FOXA1: variants seen among roughly 807,000 people sequenced by gnomAD.
FOXA1 encodes forkhead box A1.
Under a neutral mutation model 29.2 loss-of-function variants are expected in FOXA1, and 9 were observed. The observed-to-expected ratio is 0.31, with a 90% confidence interval of 0.19 to 0.54. The LOEUF (loss-of-function observed/expected upper bound fraction) is 0.54. Ranked by LOEUF, FOXA1 falls within the 20% of genes least tolerant of loss-of-function variation. The pLI is 0.95. For missense variants in FOXA1, 644 were observed against 681.2 expected, an observed-to-expected ratio of 0.95 and a Z score of 0.61; for synonymous variants, 340 against 300.9, an observed-to-expected ratio of 1.13 and a Z score of -1.34.
rs1157025978 is a variant in FOXA1 at position 37,594,928 on chromosome 14, C to T, written c.45G>A (p.Trp15Ter). Residue 15 changes from tryptophan to a stop codon, truncating the protein, a stop_gained, in exon 1 of 2, where the codon TGG becomes TGA. Coordinates refer to ENST00000250448, the MANE Select transcript of FOXA1 (RefSeq NM_004496.5). LOFTEE classifies it high-confidence loss of function. ...CCTGCGTGTCTGCGTAGTAGCTGTT[C>T]CAGTCGCTGGTTTCATGCCCTTCCA... ...VKMEGHETSD[W>*]NSYYADTQEA... is the part of the protein sequence containing the mutation. 6.3e-7 allele frequency: 1 copy of T among 1,581,192 alleles called. No individual in the cohort carries two copies.
intron 1 of FOXA1, among the ~76,000 whole-genome samples, chr14:37,593,018 C>T (rs2095597737): frequency 6.6e-6 from 1 of 152,206 alleles, no homozygotes; most frequent in East Asian, 1.9e-4. Flanking sequence ...CCCCTCATCG[C>T]CTCCTCCATC....
rs1185896845 is a variant in FOXA1, at chr14:37,591,111, T to A, written c.*254A>T. ...AGAATTTCATATATACACTTGTGGA[T>A]CATTAAACTTCGCAGGAAAAAAATT... On this transcript the variant is annotated 3_prime_UTR_variant, in exon 2 of 2. Transcript: ENST00000250448. 3.6e-6 allele frequency: 2 copies of A among 552,752 alleles called. No individual in the cohort carries two copies. Among genetic ancestry groups the A allele is most frequent in the African/African-American group, 3.8e-5 (2 of 53,168 alleles). 34.2% of individuals were successfully genotyped at this position (552,752 alleles called of 1,614,324 possible).
chr14:37,591,228 T>A lies in FOXA1; in HGVS notation c.*137A>T. On this transcript the variant is annotated 3_prime_UTR_variant, in exon 2 of 2. Transcript: ENST00000250448. ...TTTGCACTGGGGGAAAGGTTGTGCA[T>A]GAAAAATGAAATAAAAATAGTTGTT... 1.9e-6 allele frequency: 2 copies of A among 1,072,934 alleles called. No individual in the cohort carries two copies. Among genetic ancestry groups the A allele is most frequent in the Non-Finnish European group, 2.8e-6 (2 of 726,968 alleles). 66.5% of individuals were successfully genotyped at this position (1,072,934 alleles called of 1,614,324 possible). A position where few individuals can be genotyped will look rare whatever the true frequency, so the allele number is the denominator to read the frequency against.
chr14:37,593,945 C>A (rs2095598992), intron 1 of FOXA1: 2 of 535,184 alleles, frequency 3.7e-6, no homozygotes, highest in Non-Finnish European at 5.3e-6. Flanking sequence ...AATAGGAACA[C>A]CCAGTAAACT....
chr14:37,592,486 C>G lies in FOXA1; in HGVS notation c.298G>C (p.Gly100Arg). The G allele has an allele frequency of 6.2e-7, 1 of 1,608,984 alleles. No individual in the cohort carries two copies. Among genetic ancestry groups the G allele is most frequent in the Non-Finnish European group, 8.5e-7 (1 of 1,179,156 alleles). The stretch of plus-strand genomic sequence containing the variant: ...AGCGCCGTACCCATGGCCGTCACGC[C>G]GGCCGCAGTCATGCTGTTCATGGCG... Reference protein sequence around the residue: ...AGAMNSMTAAGVTAMGTALSP... With the variant: ...AGAMNSMTAARVTAMGTALSP... The change falls in exon 2 of 2, where the codon GGC becomes CGC. Residue 100 changes from glycine to arginine, a missense_variant. Coordinates refer to ENST00000250448, the MANE Select transcript of FOXA1 (RefSeq NM_004496.5).
chr14:37,591,125 A>G lies in FOXA1; in HGVS notation c.*240T>C. The G allele has an allele frequency of 1.7e-6, 1 of 576,118 alleles. No homozygotes were observed. Among genetic ancestry groups the G allele is most frequent in the African/African-American group, 1.9e-5 (1 of 53,690 alleles). The allele number at this position is 576,118 out of a possible 1,614,324, so 35.7% of individuals were successfully genotyped here. The stretch of plus-strand genomic sequence containing the variant: ...ACACTTGTGGATCATTAAACTTCGC[A>G]GGAAAAAAATTGGTTTGGGGTTGTC... On this transcript the variant is annotated 3_prime_UTR_variant, in exon 2 of 2. Coordinates refer to ENST00000250448, the MANE Select transcript of FOXA1 (RefSeq NM_004496.5).
chr14:37,594,043 T>G (rs956114665), intron 1 of FOXA1: 8 of 1,207,686 alleles, frequency 6.6e-6, no homozygotes, highest in Non-Finnish European at 8.4e-6. Flanking sequence ...TGATCCTATA[T>G]TTTTCTGTCC....
rs1249735550 is a variant in FOXA1 at position 37,594,934 on chromosome 14, G to C, written c.39C>G (p.Ser13Arg). 2 of 1,580,786 alleles carry C rather than the reference G, an allele frequency of 1.3e-6. No individual in the cohort carries two copies. The highest frequency in any genetic ancestry group is 1.7e-6 in the Non-Finnish European group (2 of 1,158,558). ...GTVKMEGHET[S>R]DWNSYYADTQ... is the part of the protein sequence containing the mutation. ...TGTCTGCGTAGTAGCTGTTCCAGTCGCTGGTTTCATGCCCTTCCATCTTCA... is the reference window on the plus strand; with the variant it reads ...TGTCTGCGTAGTAGCTGTTCCAGTCCCTGGTTTCATGCCCTTCCATCTTCA... Residue 13 changes from serine (S) to arginine (R), a missense_variant, in exon 1 of 2, where the codon AGC becomes AGG. Coordinates refer to ENST00000250448, the MANE Select transcript of FOXA1 (RefSeq NM_004496.5).
chr14:37,592,777 G>GCCGT, intron 1 of FOXA1, 66 bp from the exon 2 acceptor site: 2 of 1,592,880 alleles, frequency 1.3e-6, no homozygotes, highest in Non-Finnish European at 1.7e-6. Context: ...CTGGAGGGCG[G>GCCGT]CCGTCCGGGA....
chr14:37,594,572 GC>G, intron 1 of FOXA1: 1 of 209,862 alleles, frequency 4.8e-6, no homozygotes, highest in Non-Finnish European at 8.6e-6. Flanking sequence ...ACCGGCGCTC[GC>G]CCGCCCGCTG....
In FOXA1 at chr14:37,592,394, G is replaced by A; in HGVS notation, c.390C>T (p.Tyr130=). 1.9e-6 allele frequency: 3 copies of A among 1,601,196 alleles called. No individual in the cohort carries two copies. The highest frequency in any genetic ancestry group is 2.6e-6 in the Non-Finnish European group (3 of 1,176,306). ...TCATGCACGGGTTCATGGCGGCCGC[G>A]TAGGGGCCCAGGCCATTCATGGAGG... ...QAASMNGLGP[Y]AAAMNPCMSP... is the part of the protein sequence containing the mutation. The change falls in exon 2 of 2, where the codon TAC becomes TAT. Residue 130 remains tyrosine (Y), a synonymous_variant. Coordinates refer to ENST00000250448, the MANE Select transcript of FOXA1 (RefSeq NM_004496.5).
chr14:37,592,097 G>A lies in FOXA1; in HGVS notation c.687C>T (p.Val229=), dbSNP rs755964793. ...RHSLSFNDCF[V]KVARSPDKPG... ...GCTTGTCCGGGGAGCGTGCCACCTTGACGAAGCAGTCATTGAAGGACAGCG... is the reference window on the plus strand; with the variant it reads ...GCTTGTCCGGGGAGCGTGCCACCTTAACGAAGCAGTCATTGAAGGACAGCG... Residue 229 remains valine, a synonymous_variant, in exon 2 of 2, where the codon GTC becomes GTT. Transcript: ENST00000250448. 2 of 1,612,278 alleles carry A rather than the reference G, an allele frequency of 1.2e-6. No individual in the cohort carries two copies. The highest frequency in any genetic ancestry group is 1.7e-6 in the Non-Finnish European group (2 of 1,179,076).
intron 1 of FOXA1, chr14:37,593,989 G>A (rs1283765107): frequency 1.4e-5 from 14 of 1,007,000 alleles, no homozygotes; most frequent in African/African-American, 1.7e-5. Flanking sequence ...GTAAACTTGT[G>A]AATACATAAA....
chr14:37,593,027 T>C (rs1385334374), intron 1 of FOXA1, among the ~76,000 whole-genome samples: 2 of 152,130 alleles, frequency 1.3e-5, no homozygotes, highest in African/African-American at 2.4e-5. Flanking sequence ...GCCTCCTCCA[T>C]CCACGCCAGG....
chr14:37,590,942 G>C lies in FOXA1; in HGVS notation c.*423C>G. The C allele has an allele frequency of 2.6e-6, 1 of 381,044 alleles. No individual in the cohort carries two copies. Among genetic ancestry groups the C allele is most frequent in the Admixed American group, 4.3e-5 (1 of 23,046 alleles). The allele number at this position is 381,044 out of a possible 1,614,324, so 23.6% of individuals were successfully genotyped here. A position where few individuals can be genotyped will look rare whatever the true frequency, so the allele number is the denominator to read the frequency against. On this transcript the variant is annotated 3_prime_UTR_variant, in exon 2 of 2. Transcript: ENST00000250448. Reference sequence around the variant, plus strand: ...GCCACAGACCTGTAAACTCGTAGGGGGTCAGGTAAGGAGGGGGAAAAAGCA... The same window carrying C: ...GCCACAGACCTGTAAACTCGTAGGGCGTCAGGTAAGGAGGGGGAAAAAGCA...
chr14:37,591,276 G>C lies in FOXA1; in HGVS notation c.*89C>G. ...GTTGGGATTTTATTATGCTGTTGACGGTTTGGTTTGTGTGGTTTTGTTTGC... is the reference window on the plus strand; with the variant it reads ...GTTGGGATTTTATTATGCTGTTGACCGTTTGGTTTGTGTGGTTTTGTTTGC... On this transcript the variant is annotated 3_prime_UTR_variant, in exon 2 of 2. Coordinates refer to ENST00000250448, the MANE Select transcript of FOXA1 (RefSeq NM_004496.5). 1.3e-6 allele frequency: 2 copies of C among 1,483,612 alleles called. No individual in the cohort carries two copies. Among genetic ancestry groups the C allele is most frequent in the South Asian group, 1.1e-5 (1 of 87,604 alleles). 91.9% of individuals were successfully genotyped at this position (1,483,612 alleles called of 1,614,324 possible).
rs888644225 is a variant in FOXA1 at position 37,595,228 on chromosome 14, G to T, written c.-256C>A. 7.2e-6 allele frequency: 2 copies of T among 279,060 alleles called. No homozygotes were observed. Among genetic ancestry groups the T allele is most frequent in the South Asian group, 3.0e-4 (2 of 6,684 alleles). 17.3% of individuals were successfully genotyped at this position (279,060 alleles called of 1,614,324 possible). ...GCGCGGCGCCGGGGAGCGCCTCCGCGGGAAGTGAGCGGGCTGCCTCTGCGA... is the reference window on the plus strand; with the variant it reads ...GCGCGGCGCCGGGGAGCGCCTCCGCTGGAAGTGAGCGGGCTGCCTCTGCGA... On this transcript the variant is annotated 5_prime_UTR_variant, in exon 1 of 2. Coordinates refer to ENST00000250448, the MANE Select transcript of FOXA1 (RefSeq NM_004496.5).
At chr14:37,593,692 G>A (rs988811485) in intron 1 of FOXA1, among the ~76,000 whole-genome samples, 5 of 152,130 alleles carry the variant, frequency 3.3e-5, no homozygotes, top group Non-Finnish European at 5.9e-5. Context: ...TGGTGGGGTC[G>A]AGATGACTGC....
rs1202228377 is a variant in FOXA1, at chr14:37,589,993, C to T, written c.*1372G>A. 1.3e-5 allele frequency: 3 copies of T among 232,010 alleles called. No homozygotes were observed. The East Asian group carries it at 1.8e-4, about 14-fold the overall frequency. The allele number at this position is 232,010 out of a possible 1,614,324, so 14.4% of individuals were successfully genotyped here. On this transcript the variant is annotated 3_prime_UTR_variant, in exon 2 of 2. Transcript: ENST00000250448. ...AATAACAGAAATGCTCTTTTGTTAACATTTGATTTATTTAAAGTCCTTAAC... is the reference window on the plus strand; with the variant it reads ...AATAACAGAAATGCTCTTTTGTTAATATTTGATTTATTTAAAGTCCTTAAC...
Sources: allele counts gnomAD v4.1 joint callset (sites outside exome capture counted in the v4.1 genomes callset), GRCh38; gene constraint gnomAD v4.1.1; transcripts MANE v1.5; gene names NCBI Gene and HGNC (gene_info 2026-07-23, HGNC 2026-07-21).